CDK5RAP2: variants seen among roughly 807,000 people sequenced by gnomAD.
CDK5RAP2 encodes the protein CDK5 regulatory subunit associated protein 2.
In CDK5RAP2, 147 loss-of-function variants were observed where a neutral mutation model predicts 232.9. The ratio of observed to expected loss-of-function variants is 0.63; its 90% CI spans 0.55 to 0.72. The LOEUF is 0.72. Among genes scored for constraint, CDK5RAP2 ranks in the 30% least tolerant of loss-of-function variants. The pLI, the probability that CDK5RAP2 is intolerant of heterozygous loss-of-function variation, is 0.00. For synonymous variants in CDK5RAP2, 833 were observed against 833.7 expected (o/e 1.00, Z 0.01); for missense variants, 2,195 against 2,231.5 (o/e 0.98, Z 0.33).
chr9:120,524,765 T>TA (rs1327146001), intron 11 of CDK5RAP2, among the ~76,000 whole-genome samples: 5 of 152,210 alleles, frequency 3.3e-5, no homozygotes, highest in Non-Finnish European at 7.3e-5. Flanking sequence ...TCAGCACTCC[T>TA]AACTGTGGAG....
At chr9:120,513,452 C>T (rs1194167529) in intron 12 of CDK5RAP2, among the ~76,000 whole-genome samples, 1 of 152,218 alleles carries the variant, frequency 6.6e-6, no homozygotes, top group Non-Finnish European at 1.5e-5. Flanking sequence ...AATCTCCTGA[C>T]ACATCCCTAG....
At chr9:120,401,018 A>G (rs1330176881) in intron 34 of CDK5RAP2, 133 bp from the exon 35 acceptor site, 1 of 837,276 alleles carries the variant, frequency 1.2e-6, no homozygotes, top group Non-Finnish European at 1.9e-6. Context: ...CTGGTACCAC[A>G]TAACACCAAT....
In CDK5RAP2 at chr9:120,506,058, T is replaced by C. The variant is rs543637413; in HGVS notation, c.1311+12369A>G. Among the ~76,000 whole-genome samples the C allele has an allele frequency of 1.4e-3, 218 of 152,314 alleles. 1 individual carries two copies. Among genetic ancestry groups the C allele is most frequent in the African/African-American group, 5.1e-3 (213 of 41,576 alleles). On this transcript the variant is annotated intron_variant, in intron 12 of 37. Transcript: ENST00000349780. ...AAGAAGATGCCATCTAGGAGTTTCA[T>C]AGCTAAAGAGGAGCAGTCAATGTCT... is the stretch of plus-strand genomic sequence containing the variant.
chr9:120,539,246 T>C, intron 5 of CDK5RAP2, 82 bp from the exon 6 acceptor site: 1 of 1,556,002 alleles, frequency 6.4e-7, no homozygotes, highest in Admixed American at 1.7e-5. Context: ...ACAAGGAGTA[T>C]TTGCTAGTCA....
intron 3 of CDK5RAP2, among the ~76,000 whole-genome samples, chr9:120,556,341 T>C (rs1441609055): frequency 2.0e-5 from 3 of 152,182 alleles, no homozygotes; most frequent in Non-Finnish European, 2.9e-5. Flanking sequence ...TGGACGCTAG[T>C]ACATCTTCAC....
At chr9:120,459,453 A>G (rs1183420994) in intron 19 of CDK5RAP2, among the ~76,000 whole-genome samples, 2 of 151,562 alleles carry the variant, frequency 1.3e-5, no homozygotes. Flanking sequence ...TGAAATGATT[A>G]AGATTTTTAA....
chr9:120,556,091 T>C (rs2042218330), intron 3 of CDK5RAP2, among the ~76,000 whole-genome samples: 1 of 152,228 alleles, frequency 6.6e-6, no homozygotes. Context: ...ATTACGGAAC[T>C]GTTCTATATT....
intron 12 of CDK5RAP2, among the ~76,000 whole-genome samples, chr9:120,500,521 C>G (rs904359548): frequency 2.0e-5 from 3 of 152,206 alleles, no homozygotes; most frequent in Non-Finnish European, 4.4e-5. Context: ...AGGTTCTTCA[C>G]AAGTGTTTGA....
At position 120,443,641 on chromosome 9, in the gene CDK5RAP2, G is replaced by A; in HGVS notation, c.3127C>T (p.Gln1043Ter). ...TGACCAATCTCGTAGCTTCTTTGCT[G>A]ATCACTGTCCATTTCCTTGTCTCTC... is the stretch of plus-strand genomic sequence containing the variant. Reference protein sequence around the residue: ...VWRDKEMDSDQQRSYEIDSEI... With the variant: ...VWRDKEMDSD Residue 1043 changes from glutamine (Q) to a stop codon, truncating the protein, a stop_gained, in exon 23 of 38, where the codon CAG becomes TAG. Transcript: ENST00000349780. LOFTEE classifies it high-confidence loss of function. The A allele has an allele frequency of 6.2e-7, 1 of 1,614,142 alleles. No homozygotes were observed. Among genetic ancestry groups the A allele is most frequent in the Non-Finnish European group, 8.5e-7 (1 of 1,180,002 alleles).
At chr9:120,559,859 A>G (rs1170778406) in intron 3 of CDK5RAP2, among the ~76,000 whole-genome samples, 1 of 152,164 alleles carries the variant, frequency 6.6e-6, no homozygotes, top group African/African-American at 2.4e-5. Context: ...TGCAGGAGCT[A>G]CTAGTCAGTC....
At chr9:120,525,449 C>T (rs751219039) in intron 10 of CDK5RAP2, among the ~76,000 whole-genome samples, 16 of 152,280 alleles carry the variant, frequency 1.1e-4, no homozygotes, top group Admixed American at 7.8e-4. Context: ...CCCCAAATTC[C>T]TCAGCCTCCA....
chr9:120,497,121 G>A (rs1327449071), intron 12 of CDK5RAP2, among the ~76,000 whole-genome samples: 1 of 129,788 alleles, frequency 7.7e-6, no homozygotes, highest in Non-Finnish European at 1.5e-5. Flanking sequence ...CCCCAACCCT[G>A]TGCTCTCTGA....
chr9:120,431,029 G>A (rs141939599), intron 25 of CDK5RAP2, among the ~76,000 whole-genome samples: 1,747 of 152,122 alleles, frequency 0.011, 28 homozygotes, highest in African/African-American at 0.038. Flanking sequence ...ACCAAACACC[G>A]CATGTTCTCA....
chr9:120,455,975 G>C (rs2036750429), intron 20 of CDK5RAP2, among the ~76,000 whole-genome samples: 1 of 151,986 alleles, frequency 6.6e-6, no homozygotes, highest in African/African-American at 2.4e-5. Flanking sequence ...CTGTTAAAAA[G>C]ACAACAACTT....
chr9:120,423,176 T>C (rs1404925732), intron 25 of CDK5RAP2, among the ~76,000 whole-genome samples: 7 of 152,218 alleles, frequency 4.6e-5, no homozygotes, highest in Non-Finnish European at 7.3e-5. Context: ...ACATAATTTT[T>C]TCACTTAGTA....
chr9:120,397,544 T>TAAAAAAAAAAAAAAAAAAAAATA (rs760469422), intron 35 of CDK5RAP2, among the ~76,000 whole-genome samples: 1 of 49,192 alleles, frequency 2.0e-5, no homozygotes, highest in Non-Finnish European at 3.7e-5. Context: ...AAAACATTCT[T>TAAAAAAAAAAAAAAAAAAAAATA]AAAAAAAAAA....
intron 29 of CDK5RAP2, 133 bp from the exon 30 acceptor site, chr9:120,409,449 T>C (rs2033709391): frequency 1.4e-6 from 1 of 730,696 alleles, no homozygotes; most frequent in Non-Finnish European, 2.3e-6. Context: ...GGCATTCCAA[T>C]TATCTTACAC....
chr9:120,561,329 C>G (rs760790487), intron 3 of CDK5RAP2, among the ~76,000 whole-genome samples: 3 of 152,158 alleles, frequency 2.0e-5, no homozygotes, highest in Non-Finnish European at 4.4e-5. Flanking sequence ...CAGGGTCTCT[C>G]TCTGTCGCTC....
At chr9:120,490,126 T>G (rs1461309536) in intron 13 of CDK5RAP2, among the ~76,000 whole-genome samples, 1 of 152,166 alleles carries the variant, frequency 6.6e-6, no homozygotes, top group Non-Finnish European at 1.5e-5. Context: ...CCTAAATTCT[T>G]TTCTCCTATT....
Sources: gnomAD v4.1 joint callset for allele counts (sites outside exome capture counted in the v4.1 genomes callset) on GRCh38, gnomAD v4.1.1 for gene constraint, MANE v1.5 for transcripts, NCBI Gene and HGNC (gene_info 2026-07-23, HGNC 2026-07-21) for gene names.